Variants in ARHGDIB observed in about 807,000 individuals in gnomAD.
ARHGDIB encodes Rho GDP dissociation inhibitor beta.
ARHGDIB carries 20 observed loss-of-function variants against 22.6 expected under a neutral mutation model. The observed-to-expected ratio is 0.88, with a 90% CI of 0.62 to 1.28. ARHGDIB has a LOEUF of 1.28. Ranked by LOEUF, ARHGDIB falls within the 50% of genes most tolerant of loss-of-function variation. The pLI, the probability that ARHGDIB is intolerant of heterozygous loss-of-function variation, is 0.00. For missense variants in ARHGDIB, 254 were observed against 245.4 expected, an observed-to-expected ratio of 1.04 and a Z score of -0.23; for synonymous variants, 114 against 96.1, an observed-to-expected ratio of 1.19 and a Z score of -1.09.
At chr12:14,960,527 G>C (rs527504423) in intron 1 of ARHGDIB, among the ~76,000 whole-genome samples, 1 of 152,170 alleles carries the variant, frequency 6.6e-6, no homozygotes, top group Non-Finnish European at 1.5e-5. Context: ...TTTTGAGCCA[G>C]AGTTTCGCTC....
chr12:14,957,304 G>A (rs1294623773), intron 1 of ARHGDIB, among the ~76,000 whole-genome samples: 18 of 152,174 alleles, frequency 1.2e-4, no homozygotes, highest in Admixed American at 3.9e-4. Flanking sequence ...TAGATGTTCC[G>A]TGAATATTTG....
At chr12:14,950,939 T>C (rs937205386) in intron 1 of ARHGDIB, 4 of 425,938 alleles carry the variant, frequency 9.4e-6, no homozygotes, top group Non-Finnish European at 1.7e-5. Flanking sequence ...CTCTGTACCA[T>C]TGTAGTATCT....
chr12:14,942,603 CTTG>C lies in ARHGDIB; in HGVS notation c.522_524del (p.Asn174del). On this transcript the variant is annotated inframe_deletion, in exon 6 of 6. Transcript: ENST00000228945. Reference sequence around the variant, plus strand: ...GCTTGTCATCGTCGGTGAAGAAGGACTTGTTGTGGTACGTGCCTCGCGCCAGCA... The same window carrying C: ...GCTTGTCATCGTCGGTGAAGAAGGACTTGTGGTACGTGCCTCGCGCCAGCA... 8 of 1,614,202 alleles carry C rather than the reference CTTG, an allele frequency of 5.0e-6. No homozygotes were observed. The highest frequency in any genetic ancestry group is 1.1e-5 in the South Asian group (1 of 91,084).
chr12:14,945,869 A>T (rs1247055900), intron 4 of ARHGDIB, among the ~76,000 whole-genome samples: 2 of 152,212 alleles, frequency 1.3e-5, no homozygotes, highest in Non-Finnish European at 2.9e-5. Flanking sequence ...TAGCATCATC[A>T]AAGAGACTGT....
chr12:14,955,449 A>T (rs1308677474), intron 1 of ARHGDIB, among the ~76,000 whole-genome samples: 1 of 152,216 alleles, frequency 6.6e-6, no homozygotes, highest in Non-Finnish European at 1.5e-5. Flanking sequence ...TTTCTTAAAA[A>T]GTATTTATTG....
intron 5 of ARHGDIB, among the ~76,000 whole-genome samples, chr12:14,944,513 T>C (rs149777591): frequency 4.6e-5 from 7 of 152,360 alleles, no homozygotes; most frequent in Non-Finnish European, 7.3e-5. Flanking sequence ...TCTTGGTTAC[T>C]CTTCTCCTTT....
intron 1 of ARHGDIB, among the ~76,000 whole-genome samples, chr12:14,958,541 G>T (rs762293189): frequency 6.6e-6 from 1 of 152,184 alleles, no homozygotes; most frequent in Non-Finnish European, 1.5e-5. Flanking sequence ...AAGAGATCCC[G>T]TGAGCTTTGC....
At chr12:14,945,256 T>C (rs1863984856) in intron 4 of ARHGDIB, among the ~76,000 whole-genome samples, 1 of 152,160 alleles carries the variant, frequency 6.6e-6, no homozygotes, top group African/African-American at 2.4e-5. Flanking sequence ...TATGTAAATA[T>C]CTAAAAACCA....
rs566545782 is a variant in ARHGDIB at position 14,942,513 on chromosome 12, T to A, written c.*9A>T. 88 of 1,612,894 alleles carry A rather than the reference T, an allele frequency of 5.5e-5. No homozygotes were observed. In the African/African-American group the frequency reaches 1.1e-3, roughly 20 times the overall value. On this transcript the variant is annotated 3_prime_UTR_variant, in exon 6 of 6. Transcript: ENST00000228945. ...CAGGTGGCAAGGGTGGGGAAAGGGG[T>A]GGATGCATTCATTCTGTCCACTCCT...
intron 3 of ARHGDIB, among the ~76,000 whole-genome samples, chr12:14,948,615 A>G (rs1864087095): frequency 6.6e-6 from 1 of 152,192 alleles, no homozygotes; most frequent in South Asian, 2.1e-4. Flanking sequence ...TTAAGGAGGT[A>G]ATCACTCTCT....
At chr12:14,945,453 A>C (rs1257570798) in intron 4 of ARHGDIB, among the ~76,000 whole-genome samples, 11 of 152,218 alleles carry the variant, frequency 7.2e-5, no homozygotes, top group Admixed American at 7.2e-4. Flanking sequence ...TATTTTCCCA[A>C]GCCTTTCAAA....
intron 5 of ARHGDIB, among the ~76,000 whole-genome samples, chr12:14,943,389 T>G (rs80340485): frequency 0.4 from 56,027 of 138,800 alleles, 11,082 homozygotes; most frequent in Non-Finnish European, 0.46. Flanking sequence ...TTTTTTTTTT[T>G]TTGTTGTTGT....
chr12:14,947,073 G>A (rs1864034883), intron 4 of ARHGDIB, among the ~76,000 whole-genome samples: 1 of 152,200 alleles, frequency 6.6e-6, no homozygotes, highest in South Asian at 2.1e-4. Context: ...TGTGCAAATA[G>A]AGAGAGCAGA....
Position 14,949,861 on chromosome 12 carries a change from A to T in ARHGDIB, c.206T>A (p.Val69Asp). The T allele has an allele frequency of 6.2e-7, 1 of 1,613,562 alleles. No individual in the cohort carries two copies. Among genetic ancestry groups the T allele is most frequent in the Non-Finnish European group, 8.5e-7 (1 of 1,179,686 alleles). The change falls in exon 3 of 6, where the codon GTC (valine) becomes GAC (aspartate). Residue 69 changes from valine (V) to aspartate (D), a missense_variant. Physicochemically the swap from Val to Asp is radical, Grantham distance 152. Transcript: ENST00000228945. ...VTDPKAPNVV[V>D]TRLTLVCESA... ...CTCACAAACCAGGGTGAGCCGGGTG[A>T]CAACGACATTGGGGGCTTTCGGATC...
intron 4 of ARHGDIB, among the ~76,000 whole-genome samples, chr12:14,945,160 G>A (rs1208156733): frequency 6.6e-6 from 1 of 152,190 alleles, no homozygotes; most frequent in Admixed American, 6.5e-5. Context: ...TCCCAAGAAT[G>A]GCCTTGAGCT....
At chr12:14,950,974 A>G (rs1294309516) in intron 1 of ARHGDIB, 1 of 303,362 alleles carries the variant, frequency 3.3e-6, no homozygotes, top group Non-Finnish European at 6.1e-6. Flanking sequence ...AAAACTGACA[A>G]GAAAGAAATC....
At chr12:14,948,972 C>A (rs1174642375) in intron 3 of ARHGDIB, 1 of 152,338 alleles carries the variant, frequency 6.6e-6, no homozygotes, top group African/African-American at 2.4e-5. Flanking sequence ...ACAAAAAAGC[C>A]CATATAAGGT....
intron 1 of ARHGDIB, among the ~76,000 whole-genome samples, chr12:14,960,236 C>T (rs887088617): frequency 6.6e-6 from 1 of 152,172 alleles, no homozygotes; most frequent in Non-Finnish European, 1.5e-5. Context: ...CTCAAGTTAC[C>T]ATAGGTCTAG....
intron 1 of ARHGDIB, among the ~76,000 whole-genome samples, chr12:14,960,852 G>C (rs947451102): frequency 6.6e-6 from 1 of 152,150 alleles, no homozygotes; most frequent in Non-Finnish European, 1.5e-5. Flanking sequence ...TCCGACTGCA[G>C]GAATTTAATA....
Sources: gnomAD v4.1 joint callset for allele counts (sites outside exome capture counted in the v4.1 genomes callset) on GRCh38, gnomAD v4.1.1 for gene constraint, MANE v1.5 for transcripts, NCBI Gene and HGNC (gene_info 2026-07-23, HGNC 2026-07-21) for gene names.